ANKS6: variants seen among roughly 807,000 people sequenced by gnomAD.
The protein encoded by ANKS6 is ankyrin repeat and sterile alpha motif domain containing 6.
A neutral mutation model predicts 77.9 loss-of-function variants in ANKS6; 47 were observed. The observed-to-expected ratio is 0.60, with a 90% confidence interval of 0.48 to 0.77. ANKS6 has a LOEUF of 0.77. Among genes scored for constraint, ANKS6 ranks in the 30% least tolerant of loss-of-function variants. The probability of loss-of-function intolerance (pLI) is 0.00; values close to 1 mark genes in which losing one functional copy is unlikely to be tolerated. For missense variants in ANKS6, 1,150 were observed against 1,159.1 expected (o/e 0.99, Z 0.11); for synonymous variants, 488 against 501.7 (o/e 0.97, Z 0.37).
At chr9:98,776,352 T>C (rs1833917741) in intron 8 of ANKS6, among the ~76,000 whole-genome samples, 1 of 151,938 alleles carries the variant, frequency 6.6e-6, no homozygotes. Context: ...AAAGACTTCA[T>C]TTCCCAGCTT....
chr9:98,747,617 TC>T (rs1217981501), intron 13 of ANKS6, among the ~76,000 whole-genome samples: 2 of 152,034 alleles, frequency 1.3e-5, no homozygotes, highest in African/African-American at 4.8e-5. Flanking sequence ...CACGAGTCTT[TC>T]CCCACCATCC....
rs1408260283 is a variant in ANKS6 at position 98,732,286 on chromosome 9, G to T, written c.*4233C>A. On this transcript the variant is annotated 3_prime_UTR_variant, in exon 15 of 15. Coordinates refer to ENST00000353234, the MANE Select transcript of ANKS6 (RefSeq NM_173551.5). ...CCTCCGGCCTGGCCCATGTCTTCAGGCAGCTCTGAGGCAAGAATAAAAGGG... is the reference window on the plus strand; with the variant it reads ...CCTCCGGCCTGGCCCATGTCTTCAGTCAGCTCTGAGGCAAGAATAAAAGGG... The T allele has an allele frequency of 4.9e-6, 3 of 615,704 alleles. No homozygotes were observed. Among genetic ancestry groups the T allele is most frequent in the Non-Finnish European group, 8.4e-6 (3 of 356,874 alleles). 38.1% of individuals were successfully genotyped at this position (615,704 alleles called of 1,614,324 possible).
Position 98,733,276 on chromosome 9 carries a change from G to A in ANKS6, c.*3243C>T, listed in dbSNP as rs1384817334. On this transcript the variant is annotated 3_prime_UTR_variant, in exon 15 of 15. Coordinates refer to ENST00000353234, the MANE Select transcript of ANKS6 (RefSeq NM_173551.5). ...TGTAATTTTGTGGCGCTGAAGAAGA[G>A]AGGCAGGAGCCCTCCGTGGCCAGCA... The A allele has an allele frequency of 5.1e-6, 5 of 985,416 alleles. No homozygotes were observed. In the Admixed American group the frequency reaches 1.8e-4, roughly 36 times the overall value. 61.0% of individuals were successfully genotyped at this position (985,416 alleles called of 1,614,324 possible). A position where few individuals can be genotyped will look rare whatever the true frequency, so the allele number is the denominator to read the frequency against.
At position 98,733,579 on chromosome 9, in the gene ANKS6, C is replaced by T. The variant is rs1021306809; in HGVS notation, c.*2940G>A. On this transcript the variant is annotated 3_prime_UTR_variant, in exon 15 of 15. Transcript: ENST00000353234. ...CAGGGCTGCAAGGCCTCTTGGTTGC[C>T]GCTGTTCCAGAAAAAGCGGGGCTTC... 14 of 985,488 alleles carry T rather than the reference C, an allele frequency of 1.4e-5. No individual in the cohort carries two copies. The highest frequency in any genetic ancestry group is 1.1e-4 in the East Asian group (1 of 8,814). 61.0% of individuals were successfully genotyped at this position (985,488 alleles called of 1,614,324 possible). A position where few individuals can be genotyped will look rare whatever the true frequency, so the allele number is the denominator to read the frequency against.
chr9:98,768,565 A>G lies in ANKS6; in HGVS notation c.1973-315T>C, dbSNP rs536805352. 3.3e-5 allele frequency among the ~76,000 whole-genome samples: 5 copies of G among 152,166 alleles called. No homozygotes were observed. In the South Asian group the frequency reaches 1.0e-3, roughly 32 times the overall value. ...GGCCCCCACCAGGCACAGATGCAAC[A>G]CCCTGCACTCGATGCCCACAGAAGC... On this transcript the variant is annotated intron_variant, in intron 10 of 14. Coordinates refer to ENST00000353234, the MANE Select transcript of ANKS6 (RefSeq NM_173551.5).
intron 13 of ANKS6, among the ~76,000 whole-genome samples, chr9:98,749,685 C>T (rs372869289): frequency 3.9e-5 from 6 of 152,130 alleles, no homozygotes; most frequent in South Asian, 2.1e-4. Flanking sequence ...ATCAGCAATA[C>T]GGAAAGATTT....
chr9:98,735,956 A>G lies in ANKS6; in HGVS notation c.*563T>C. ...CTAGGAGGGGCAAGTTAGAAGTTTT[A>G]AGGGAAGATGTGCCAGGAAGGCTAA... is the stretch of plus-strand genomic sequence containing the variant. On this transcript the variant is annotated 3_prime_UTR_variant, in exon 15 of 15. Transcript: ENST00000353234. 1 of 1,228,914 alleles carries G rather than the reference A, an allele frequency of 8.1e-7. No homozygotes were observed. The highest frequency in any genetic ancestry group is 1.0e-6 in the Non-Finnish European group (1 of 986,906). 76.1% of individuals were successfully genotyped at this position (1,228,914 alleles called of 1,614,324 possible).
In ANKS6 at chr9:98,770,809, G is replaced by C. The variant is rs1833578527; in HGVS notation, c.1972+87C>G. ...CTCTTGCGTGGTCATTTCTGCGACT[G>C]TCTGCAACCTGAATATCCAGGCAGT... On this transcript the variant is annotated intron_variant, in intron 10 of 14. Transcript: ENST00000353234. 2.1e-5 allele frequency: 26 copies of C among 1,255,994 alleles called. 1 individual carries two copies. The Middle Eastern group carries it at 1.2e-3, about 57-fold the overall frequency. The allele number at this position is 1,255,994 out of a possible 1,614,324, so 77.8% of individuals were successfully genotyped here.
At chr9:98,760,826 G>C (rs1204851286) in intron 11 of ANKS6, among the ~76,000 whole-genome samples, 1 of 152,158 alleles carries the variant, frequency 6.6e-6, no homozygotes, top group African/African-American at 2.4e-5. Flanking sequence ...GATGTTTCCA[G>C]TTTGGGGTGA....
At chr9:98,741,301 G>A (rs1025417032) in intron 14 of ANKS6, among the ~76,000 whole-genome samples, 2 of 152,116 alleles carry the variant, frequency 1.3e-5, no homozygotes, top group Non-Finnish European at 2.9e-5. Flanking sequence ...TATATTTTAC[G>A]AAAATTTAAG....
Position 98,771,054 on chromosome 9 carries a change from A to G in ANKS6, c.1822-8T>C. On this transcript the variant is annotated splice_region_variant and splice_polypyrimidine_tract_variant and intron_variant, in intron 9 of 14. Coordinates refer to ENST00000353234, the MANE Select transcript of ANKS6 (RefSeq NM_173551.5). ...AACAGGCCTGACGGGTGTCTACAAGAATAAGGCAGGTGCAGCACTTAGGGA... is the reference window on the plus strand; with the variant it reads ...AACAGGCCTGACGGGTGTCTACAAGGATAAGGCAGGTGCAGCACTTAGGGA... The G allele has an allele frequency of 6.5e-7, 1 of 1,547,990 alleles. No homozygotes were observed. The highest frequency in any genetic ancestry group is 1.2e-5 in the South Asian group (1 of 80,152).
chr9:98,735,945 T>A lies in ANKS6; in HGVS notation c.*574A>T. The A allele has an allele frequency of 8.1e-7, 1 of 1,229,736 alleles. No individual in the cohort carries two copies. Among genetic ancestry groups the A allele is most frequent in the Non-Finnish European group, 1.0e-6 (1 of 987,466 alleles). The allele number at this position is 1,229,736 out of a possible 1,614,324, so 76.2% of individuals were successfully genotyped here. On this transcript the variant is annotated 3_prime_UTR_variant, in exon 15 of 15. Coordinates refer to ENST00000353234, the MANE Select transcript of ANKS6 (RefSeq NM_173551.5). ...GGTGACTTGGACTAGGAGGGGCAAG[T>A]TAGAAGTTTTAAGGGAAGATGTGCC...
chr9:98,733,597 G>C lies in ANKS6; in HGVS notation c.*2922C>G, dbSNP rs565450141. 5.1e-6 allele frequency: 5 copies of C among 985,348 alleles called. No homozygotes were observed. In the Admixed American group the frequency reaches 1.8e-4, roughly 36 times the overall value. The allele number at this position is 985,348 out of a possible 1,614,324, so 61.0% of individuals were successfully genotyped here. ...TGGTTGCCGCTGTTCCAGAAAAAGC[G>C]GGGCTTCTCCAATGGTGTCCAAGGA... On this transcript the variant is annotated 3_prime_UTR_variant, in exon 15 of 15. Coordinates refer to ENST00000353234, the MANE Select transcript of ANKS6 (RefSeq NM_173551.5).
At position 98,784,831 on chromosome 9, in the gene ANKS6, C is replaced by T. The variant is rs751090856; in HGVS notation, c.907+1G>A. ...CCAAAAAGATTTTCTAAAGCGCTTA[C>T]CCATTTTCAATGCATGGAAAATATC... On this transcript the variant is annotated splice_donor_variant, in intron 3 of 14. Coordinates refer to ENST00000353234, the MANE Select transcript of ANKS6 (RefSeq NM_173551.5). LOFTEE classifies it high-confidence loss of function. 1.2e-6 allele frequency: 2 copies of T among 1,612,692 alleles called. No individual in the cohort carries two copies. Among genetic ancestry groups the T allele is most frequent in the African/African-American group, 1.3e-5 (1 of 74,988 alleles).
chr9:98,788,537 C>A (rs1834709120), intron 2 of ANKS6, among the ~76,000 whole-genome samples: 1 of 152,180 alleles, frequency 6.6e-6, no homozygotes. Context: ...AAAACAAAAC[C>A]CTGTCCTAGG....
chr9:98,796,185 A>G lies in ANKS6; in HGVS notation c.307T>C (p.Ser103Pro). The G allele has an allele frequency of 1.4e-6, 2 of 1,417,068 alleles. No homozygotes were observed. The highest frequency in any genetic ancestry group is 1.8e-6 in the Non-Finnish European group (2 of 1,085,872). 87.8% of individuals were successfully genotyped at this position (1,417,068 alleles called of 1,614,324 possible). A position where few individuals can be genotyped will look rare whatever the true frequency, so the allele number is the denominator to read the frequency against. ...LVRFLLRRGA[S>P]VNSRNHYGWS... ...CCGTAGTGGTTGCGGCTGTTGACCG[A>G]GGCACCGCGGCGCAGCAGGAAGCGC... is the stretch of plus-strand genomic sequence containing the variant. Residue 103 changes from serine (S) to proline (P), a missense_variant, in exon 1 of 15, where the codon TCG (serine) becomes CCG (proline). Physicochemically the swap from Ser to Pro is moderately conservative, Grantham distance 74. Transcript: ENST00000353234.
chr9:98,734,379 T>C lies in ANKS6; in HGVS notation c.*2140A>G. The stretch of plus-strand genomic sequence containing the variant: ...GTATCATTGTTCAATCAAACTTACC[T>C]GAGTGGAAGCTATACCAGTATATTG... On this transcript the variant is annotated 3_prime_UTR_variant, in exon 15 of 15. Transcript: ENST00000353234. The C allele has an allele frequency of 3.0e-6, 3 of 985,248 alleles. No homozygotes were observed. The highest frequency in any genetic ancestry group is 3.6e-6 in the Non-Finnish European group (3 of 829,920). 61.0% of individuals were successfully genotyped at this position (985,248 alleles called of 1,614,324 possible).
chr9:98,793,593 TTACTG>T (rs1835018542), intron 1 of ANKS6, among the ~76,000 whole-genome samples: 1 of 152,040 alleles, frequency 6.6e-6, no homozygotes, highest in Non-Finnish European at 1.5e-5. Flanking sequence ...CGATCTCAGC[TTACTG>T]CAACCTCCGC....
intron 2 of ANKS6, among the ~76,000 whole-genome samples, chr9:98,787,301 C>T (rs1375455271): frequency 6.6e-6 from 1 of 152,132 alleles, no homozygotes; most frequent in Non-Finnish European, 1.5e-5. Context: ...CTCAAGGTTG[C>T]CCAACCACTC....
Sources: allele counts gnomAD v4.1 joint callset (sites outside exome capture counted in the v4.1 genomes callset), GRCh38; gene constraint gnomAD v4.1.1; transcripts MANE v1.5; gene names NCBI Gene and HGNC (gene_info 2026-07-23, HGNC 2026-07-21).